Variants in CNTNAP4 observed in about 807,000 individuals in gnomAD.
CNTNAP4 encodes contactin-associated protein-like 4.
Under a neutral mutation model 148.4 loss-of-function variants are expected in CNTNAP4, and 98 were observed. That is an observed-to-expected ratio of 0.66 (90% CI 0.56 to 0.78). CNTNAP4 has a LOEUF of 0.78. Among genes scored for constraint, CNTNAP4 ranks in the 30% least tolerant of loss-of-function variants. The probability of loss-of-function intolerance (pLI) is 0.00; values close to 1 mark genes in which losing one functional copy is unlikely to be tolerated. For synonymous variants in CNTNAP4, 730 were observed against 565.1 expected (o/e 1.29, Z -4.14); for missense variants, 1,935 against 1,565.6 (o/e 1.24, Z -3.98).
intron 1 of CNTNAP4, among the ~76,000 whole-genome samples, chr16:76,280,342 G>A (rs1246003589): frequency 1.3e-5 from 2 of 152,056 alleles, no homozygotes; most frequent in Admixed American, 1.3e-4. Context: ...ACATTAGAAG[G>A]ATTCTGTTCA....
chr16:76,521,171 C>T lies in CNTNAP4; in HGVS notation c.2397C>T (p.Thr799=), dbSNP rs775480620. The change falls in exon 16 of 24, where the codon ACC becomes ACT. Residue 799 remains threonine, a synonymous_variant. Coordinates refer to ENST00000611870, the MANE Select transcript of CNTNAP4 (RefSeq NM_033401.5). The stretch of plus-strand genomic sequence containing the variant: ...TTTGGAATTCAGCTTCCTTTGATAC[C>T]GAGGCTTCATATCTTCATTTTCCTA... ...RSFWNSASFD[T]EASYLHFPTF... The T allele has an allele frequency of 1.1e-5, 18 of 1,600,814 alleles. No individual in the cohort carries two copies. Among genetic ancestry groups the T allele is most frequent in the African/African-American group, 9.6e-5 (7 of 73,216 alleles).
At chr16:76,291,689 A>G (rs1039404310) in intron 1 of CNTNAP4, among the ~76,000 whole-genome samples, 18 of 152,246 alleles carry the variant, frequency 1.2e-4, no homozygotes, top group African/African-American at 4.3e-4. Context: ...CCTGTGATAC[A>G]TTCTATGCTT....
At chr16:76,327,783 C>G (rs1206663190) in intron 2 of CNTNAP4, among the ~76,000 whole-genome samples, 1 of 152,206 alleles carries the variant, frequency 6.6e-6, no homozygotes, top group Non-Finnish European at 1.5e-5. Flanking sequence ...TGGACAGAAA[C>G]TTTCTGCTTT....
chr16:76,476,492 G>C (rs537725244), intron 11 of CNTNAP4, among the ~76,000 whole-genome samples: 8 of 152,188 alleles, frequency 5.3e-5, no homozygotes, highest in Non-Finnish European at 1.0e-4. Context: ...CAGATATCCA[G>C]TAGAGACTAG....
At chr16:76,502,258 G>T (rs931833572) in intron 15 of CNTNAP4, among the ~76,000 whole-genome samples, 14 of 152,068 alleles carry the variant, frequency 9.2e-5, no homozygotes, top group African/African-American at 3.4e-4. Flanking sequence ...ACTATTTTCT[G>T]CATGAAGCGT....
chr16:76,530,895 C>T (rs1183793806), intron 17 of CNTNAP4, among the ~76,000 whole-genome samples: 2 of 152,160 alleles, frequency 1.3e-5, no homozygotes, highest in African/African-American at 2.4e-5. Context: ...ACAGGGTTGA[C>T]GGTCCAATGC....
chr16:76,403,345 G>A (rs748292588), intron 3 of CNTNAP4, among the ~76,000 whole-genome samples: 1 of 151,982 alleles, frequency 6.6e-6, no homozygotes, highest in Non-Finnish European at 1.5e-5. Context: ...CACCCACCTC[G>A]GCCTCCCAAA....
chr16:76,395,280 T>TA (rs1043892894), intron 3 of CNTNAP4, among the ~76,000 whole-genome samples: 2 of 151,856 alleles, frequency 1.3e-5, no homozygotes, highest in Admixed American at 6.6e-5. Flanking sequence ...CTTTTTTTTT[T>TA]TTTGAGATGC....
At chr16:76,335,665 CT>C (rs1414169347) in intron 2 of CNTNAP4, among the ~76,000 whole-genome samples, 1 of 152,116 alleles carries the variant, frequency 6.6e-6, no homozygotes, top group East Asian at 1.9e-4. Flanking sequence ...AGGGTACGAG[CT>C]TGGAGAAAAG....
At chr16:76,289,284 C>G (rs543493787) in intron 1 of CNTNAP4, among the ~76,000 whole-genome samples, 1 of 152,182 alleles carries the variant, frequency 6.6e-6, no homozygotes, top group Non-Finnish European at 1.5e-5. Flanking sequence ...GAAAATTACT[C>G]TCCACATTAT....
chr16:76,487,550 T>C (rs2082071057), intron 12 of CNTNAP4, among the ~76,000 whole-genome samples: 1 of 152,202 alleles, frequency 6.6e-6, no homozygotes, highest in Admixed American at 6.5e-5. Flanking sequence ...TTTGAGACTT[T>C]TCAGAGATTT....
At chr16:76,460,705 A>T (rs2080913096) in intron 8 of CNTNAP4, among the ~76,000 whole-genome samples, 1 of 132,074 alleles carries the variant, frequency 7.6e-6, no homozygotes, top group African/African-American at 2.8e-5. Context: ...GTGAGCCGAG[A>T]TCGCGCCATT....
chr16:76,465,146 G>A (rs1190436595), intron 9 of CNTNAP4, among the ~76,000 whole-genome samples: 5 of 152,156 alleles, frequency 3.3e-5, no homozygotes, highest in Non-Finnish European at 7.3e-5. Context: ...TAATTTATCT[G>A]TTATCCTCGG....
chr16:76,358,708 A>G (rs2013022563), intron 3 of CNTNAP4, among the ~76,000 whole-genome samples: 1 of 152,204 alleles, frequency 6.6e-6, no homozygotes, highest in Non-Finnish European at 1.5e-5. Flanking sequence ...TGGATCTGGC[A>G]AAGAAAGTTG....
chr16:76,294,871 G>A (rs1959196422), intron 1 of CNTNAP4, among the ~76,000 whole-genome samples: 1 of 152,174 alleles, frequency 6.6e-6, no homozygotes, highest in Admixed American at 6.5e-5. Context: ...TCGCAATTGA[G>A]AACAGAAGTT....
intron 11 of CNTNAP4, 44 bp downstream of exon 11, chr16:76,476,089 C>A: frequency 1.5e-6 from 2 of 1,355,162 alleles, no homozygotes; most frequent in African/African-American, 1.4e-5. Flanking sequence ...GTGATGGTTT[C>A]TTTGTCCCAT....
chr16:76,512,191 G>C (rs2083053192), intron 15 of CNTNAP4, among the ~76,000 whole-genome samples: 1 of 152,148 alleles, frequency 6.6e-6, no homozygotes, highest in African/African-American at 2.4e-5. Context: ...CTGGTGGTCA[G>C]ATCAGGAAAG....
chr16:76,524,789 A>G (rs2083641870), intron 17 of CNTNAP4, among the ~76,000 whole-genome samples: 1 of 152,150 alleles, frequency 6.6e-6, no homozygotes, highest in Non-Finnish European at 1.5e-5. Context: ...ATAACTGTTG[A>G]TTATATTTAA....
At chr16:76,539,981 A>G in intron 20 of CNTNAP4, 129 bp downstream of exon 20, 1 of 643,194 alleles carries the variant, frequency 1.6e-6, no homozygotes, top group Non-Finnish European at 2.6e-6. Flanking sequence ...CAGATAATAG[A>G]CCTCAAATGT....
Sources: allele counts gnomAD v4.1 joint callset (sites outside exome capture counted in the v4.1 genomes callset), GRCh38; gene constraint gnomAD v4.1.1; transcripts MANE v1.5; gene names NCBI Gene and HGNC (gene_info 2026-07-23, HGNC 2026-07-21).